EPHA6: variants seen among roughly 807,000 people sequenced by gnomAD.
EPHA6 encodes EPH receptor A6, also known as ephrin type-A receptor 6.
In EPHA6, 50 loss-of-function variants were observed where a neutral mutation model predicts 112.0. The ratio of observed to expected loss-of-function variants is 0.45; its 90% CI spans 0.36 to 0.56. EPHA6 has a LOEUF of 0.56. EPHA6 is among the 20% of genes least tolerant of loss of function. The pLI is 0.00. For missense variants in EPHA6, 1,280 were observed against 1,417.4 expected (o/e 0.90, Z 1.56); for synonymous variants, 529 against 490.7 (o/e 1.08, Z -1.03).
intron 2 of EPHA6, among the ~76,000 whole-genome samples, chr3:96,940,727 T>G (rs2040891477): frequency 6.6e-6 from 1 of 152,212 alleles, no homozygotes; most frequent in South Asian, 2.1e-4. Context: ...GTTTTTGTAG[T>G]GGCTGGTACC....
rs544877913 is a variant in EPHA6 at position 96,981,934 on chromosome 3, T to G, written c.451-5396T>G. On this transcript the variant is annotated intron_variant, in intron 2 of 17. Coordinates refer to ENST00000389672, the MANE Select transcript of EPHA6 (RefSeq NM_001080448.3). ...ATCATTTTTTATTACATCTATTTGA[T>G]TCTTCTCTCTTTTCTTCTTTATTAG... is the stretch of plus-strand genomic sequence containing the variant. 6.6e-5 allele frequency among the ~76,000 whole-genome samples: 10 copies of G among 152,300 alleles called. No individual in the cohort carries two copies. In the South Asian group the frequency reaches 2.1e-3, roughly 32 times the overall value.
At chr3:97,523,178 C>T (rs2092569054) in intron 10 of EPHA6, among the ~76,000 whole-genome samples, 1 of 152,004 alleles carries the variant, frequency 6.6e-6, no homozygotes, top group African/African-American at 2.4e-5. Flanking sequence ...CTATAAACTT[C>T]CCTCTTAGAA....
At chr3:96,983,840 T>G (rs979663282) in intron 2 of EPHA6, among the ~76,000 whole-genome samples, 1 of 152,244 alleles carries the variant, frequency 6.6e-6, no homozygotes, top group African/African-American at 2.4e-5. Context: ...TCCAGTTGAT[T>G]GAATCAGCTA....
At chr3:97,342,697 C>T (rs1315195298) in intron 5 of EPHA6, among the ~76,000 whole-genome samples, 2 of 149,544 alleles carry the variant, frequency 1.3e-5, no homozygotes, top group African/African-American at 4.9e-5. Flanking sequence ...TCCTTGCCCT[C>T]TCTCTCTCTC....
intron 3 of EPHA6, among the ~76,000 whole-genome samples, chr3:97,116,730 G>T (rs970060996): frequency 6.6e-6 from 1 of 151,132 alleles, no homozygotes; most frequent in South Asian, 2.1e-4. Flanking sequence ...TTATACATTT[G>T]TCTGTCAGTG....
chr3:97,253,604 A>G (rs1238140776), intron 5 of EPHA6, among the ~76,000 whole-genome samples: 1 of 152,174 alleles, frequency 6.6e-6, no homozygotes, highest in Non-Finnish European at 1.5e-5. Context: ...GTAATCTTTT[A>G]TTAAAGCAAG....
intron 2 of EPHA6, among the ~76,000 whole-genome samples, chr3:96,972,981 C>T (rs575272979): frequency 6.6e-6 from 1 of 152,146 alleles, no homozygotes; most frequent in East Asian, 1.9e-4. Context: ...ATATTCTTTG[C>T]CTAGAAAGGC....
chr3:97,702,937 C>T (rs1252916471), intron 14 of EPHA6, among the ~76,000 whole-genome samples: 4 of 152,086 alleles, frequency 2.6e-5, no homozygotes, highest in Admixed American at 6.5e-5. Flanking sequence ...ACCCACTGTA[C>T]TAAATGTAAG....
At chr3:96,927,398 T>A (rs1489961781) in intron 2 of EPHA6, among the ~76,000 whole-genome samples, 1 of 152,238 alleles carries the variant, frequency 6.6e-6, no homozygotes, top group African/African-American at 2.4e-5. Flanking sequence ...TCCTTGTTAC[T>A]TATGCACATT....
At chr3:97,494,301 A>G (rs2091923308) in intron 10 of EPHA6, among the ~76,000 whole-genome samples, 1 of 147,648 alleles carries the variant, frequency 6.8e-6, no homozygotes, top group East Asian at 1.9e-4. Flanking sequence ...TAACCAGTTA[A>G]TCTATCTCTG....
chr3:96,990,796 C>T (rs963078639), intron 3 of EPHA6, among the ~76,000 whole-genome samples: 5 of 151,818 alleles, frequency 3.3e-5, no homozygotes, highest in Non-Finnish European at 5.9e-5. Flanking sequence ...GCTTTTATTG[C>T]CATCTATTCA....
intron 5 of EPHA6, among the ~76,000 whole-genome samples, chr3:97,382,683 T>C (rs529043261): frequency 6.6e-6 from 1 of 152,134 alleles, no homozygotes; most frequent in South Asian, 2.1e-4. Flanking sequence ...GCAATTCAGT[T>C]ATATACAAAA....
chr3:96,853,443 C>T (rs867574431), intron 1 of EPHA6, among the ~76,000 whole-genome samples: 13 of 151,080 alleles, frequency 8.6e-5, no homozygotes, highest in South Asian at 8.3e-4. Context: ...TTTTTTTTTC[C>T]CCTCATTCTC....
At chr3:97,215,586 G>A (rs189383099) in intron 3 of EPHA6, among the ~76,000 whole-genome samples, 1 of 149,918 alleles carries the variant, frequency 6.7e-6, no homozygotes, top group African/African-American at 2.5e-5. Context: ...ACTTCAGTCT[G>A]GGCAACAAGA....
At chr3:96,977,292 A>T (rs779684690) in intron 2 of EPHA6, among the ~76,000 whole-genome samples, 2 of 152,220 alleles carry the variant, frequency 1.3e-5, no homozygotes, top group Non-Finnish European at 2.9e-5. Flanking sequence ...GCATGTTCTC[A>T]TTTATAAGTG....
intron 6 of EPHA6, among the ~76,000 whole-genome samples, chr3:97,407,818 T>C (rs1168650165): frequency 1.3e-5 from 2 of 152,086 alleles, no homozygotes; most frequent in African/African-American, 4.8e-5. Context: ...TAAGACATCA[T>C]CTGCTCCCAA....
At chr3:97,280,926 G>A (rs956053821) in intron 5 of EPHA6, among the ~76,000 whole-genome samples, 3 of 152,142 alleles carry the variant, frequency 2.0e-5, no homozygotes, top group African/African-American at 7.2e-5. Context: ...CCTAGCAGGT[G>A]ATGTGGTCTA....
intron 10 of EPHA6, among the ~76,000 whole-genome samples, chr3:97,504,200 T>C (rs2092190115): frequency 6.6e-6 from 1 of 152,200 alleles, no homozygotes; most frequent in Non-Finnish European, 1.5e-5. Context: ...CACCACAATG[T>C]AGCAGTCTCT....
chr3:97,434,557 CA>C (rs922744543), intron 6 of EPHA6, among the ~76,000 whole-genome samples: 1 of 151,668 alleles, frequency 6.6e-6, no homozygotes, highest in Non-Finnish European at 1.5e-5. Flanking sequence ...AATCTAGTGA[CA>C]AAAAAATAGG....
Sources: allele counts gnomAD v4.1 joint callset (sites outside exome capture counted in the v4.1 genomes callset), GRCh38; gene constraint gnomAD v4.1.1; transcripts MANE v1.5; gene names NCBI Gene and HGNC (gene_info 2026-07-23, HGNC 2026-07-21).